Variants in ARMC9 observed in about 807,000 individuals in gnomAD.
ARMC9 encodes the protein lisH domain-containing protein ARMC9.
Under a neutral mutation model 107.0 loss-of-function variants are expected in ARMC9, and 94 were observed. That is an observed-to-expected ratio of 0.88 (90% confidence interval 0.74 to 1.04). The LOEUF is 1.04. Ranked by LOEUF, ARMC9 falls within the 50% of genes least tolerant of loss-of-function variation. The probability of loss-of-function intolerance (pLI) is 0.00; values close to 1 mark genes in which losing one functional copy is unlikely to be tolerated. For synonymous variants in ARMC9, 380 were observed against 396.9 expected, an observed-to-expected ratio of 0.96 and a Z score of 0.51; for missense variants, 942 against 1,030.1, an observed-to-expected ratio of 0.91 and a Z score of 1.17.
intron 19 of ARMC9, among the ~76,000 whole-genome samples, chr2:231,326,606 A>G (rs1435720394): frequency 1.3e-5 from 2 of 152,070 alleles, no homozygotes; most frequent in Non-Finnish European, 2.9e-5. Context: ...GGCACTGACT[A>G]TGTGGTTGAG....
chr2:231,314,461 G>T (rs1371006861), intron 19 of ARMC9, among the ~76,000 whole-genome samples: 1 of 152,072 alleles, frequency 6.6e-6, no homozygotes, highest in African/African-American at 2.4e-5. Flanking sequence ...TTCATTTATG[G>T]TCTCTGCTTT....
chr2:231,293,026 G>T lies in ARMC9; in HGVS notation c.1717+1583G>T, dbSNP rs569170986. On this transcript the variant is annotated intron_variant, in intron 18 of 24. Transcript: ENST00000611582. ...CACTGCCTGGGTCGCAGAAACGAGGGTGTCCAAGGGGCTCCCGATCAAAAG... is the reference window on the plus strand; with the variant it reads ...CACTGCCTGGGTCGCAGAAACGAGGTTGTCCAAGGGGCTCCCGATCAAAAG... Among the ~76,000 whole-genome samples, 17 of 152,294 alleles carry T rather than the reference G, an allele frequency of 1.1e-4. No individual in the cohort carries two copies. In the East Asian group the frequency reaches 3.3e-3, roughly 29 times the overall value.
At chr2:231,257,059 C>T (rs1417374973) in intron 10 of ARMC9, among the ~76,000 whole-genome samples, 1 of 152,250 alleles carries the variant, frequency 6.6e-6, no homozygotes, top group Non-Finnish European at 1.5e-5. Context: ...AAGTGATCCA[C>T]CCCCTTTGGC....
In ARMC9 at chr2:231,308,549, G is replaced by GGATAGC. The variant is rs999912599; in HGVS notation, c.1773+12300_1773+12305dup. Among the ~76,000 whole-genome samples the GGATAGC allele has an allele frequency of 6.6e-5, 10 of 152,298 alleles. No homozygotes were observed. In the East Asian group the frequency reaches 1.7e-3, roughly 26 times the overall value. Reference sequence around the variant, plus strand: ...AACCTTGGACCCTAGGTAGCTGGGAGGATAGCGATGCCATTAACAATACGG... The same window carrying GGATAGC: ...AACCTTGGACCCTAGGTAGCTGGGAGGATAGCGATAGCGATGCCATTAACAATACGG... On this transcript the variant is annotated intron_variant, in intron 19 of 24. Coordinates refer to ENST00000611582, the MANE Select transcript of ARMC9 (RefSeq NM_001352754.2).
intron 12 of ARMC9, among the ~76,000 whole-genome samples, chr2:231,267,494 G>A (rs1045201925): frequency 1.3e-5 from 2 of 152,220 alleles, no homozygotes; most frequent in Non-Finnish European, 2.9e-5. Flanking sequence ...GCCTCCCAAA[G>A]TGCTGGGATT....
chr2:231,329,873 A>G (rs185288907), intron 19 of ARMC9, among the ~76,000 whole-genome samples: 2 of 152,286 alleles, frequency 1.3e-5, no homozygotes, highest in African/African-American at 4.8e-5. Context: ...CTACATAGAC[A>G]GTCATATTAT....
intron 5 of ARMC9, among the ~76,000 whole-genome samples, chr2:231,217,924 C>T (rs1243340113): frequency 2.0e-5 from 3 of 152,154 alleles, no homozygotes; most frequent in African/African-American, 7.2e-5. Flanking sequence ...AACTCCTGAC[C>T]TCAGGTGATC....
At chr2:231,225,199 T>C (rs1167030995) in intron 6 of ARMC9, among the ~76,000 whole-genome samples, 1 of 152,216 alleles carries the variant, frequency 6.6e-6, no homozygotes, top group Non-Finnish European at 1.5e-5. Context: ...TGTGTGTGTA[T>C]ATTTCTATGC....
At chr2:231,212,537 C>T (rs1317023742) in intron 3 of ARMC9, among the ~76,000 whole-genome samples, 2 of 152,238 alleles carry the variant, frequency 1.3e-5, no homozygotes, top group Non-Finnish European at 1.5e-5. Flanking sequence ...CTCACCTCAT[C>T]CACACAGTCA....
At chr2:231,355,975 T>C in intron 22 of ARMC9, 41 bp downstream of exon 22, 1 of 1,520,416 alleles carries the variant, frequency 6.6e-7, no homozygotes, top group East Asian at 2.5e-5. Flanking sequence ...TCTGGGATTG[T>C]GATGTCTAGA....
At position 231,376,354 on chromosome 2, in the gene ARMC9, T is replaced by C. The variant is rs996749788; in HGVS notation, c.*4819T>C. Among the ~76,000 whole-genome samples, 41 of 152,172 alleles carry C rather than the reference T, an allele frequency of 2.7e-4. 1 individual carries two copies. Among genetic ancestry groups the C allele is most frequent in the African/African-American group, 8.7e-4 (36 of 41,428 alleles). On this transcript the variant is annotated 3_prime_UTR_variant, in exon 25 of 25. Transcript: ENST00000611582. ...ATGGGAGAAATATCGCTGAATTCTT[T>C]TTCTCAGCATGGAACATCCCCTGAG... is the stretch of plus-strand genomic sequence containing the variant.
chr2:231,215,165 C>T (rs767688906), intron 4 of ARMC9, 164 bp downstream of exon 4: 11 of 671,460 alleles, frequency 1.6e-5, no homozygotes, highest in Non-Finnish European at 2.6e-5. Context: ...ACTGTATTCC[C>T]AGCAGTTTAT....
In ARMC9 at chr2:231,212,546, C is replaced by T. The variant is rs2033011430; in HGVS notation, c.178-2285C>T. ...TCTGCGCTCACCTCATCCACACAGT[C>T]AGAGAGCTCTTGGTCACCGCACTTC... On this transcript the variant is annotated intron_variant, in intron 3 of 24. Transcript: ENST00000611582. 2.0e-5 allele frequency among the ~76,000 whole-genome samples: 3 copies of T among 152,218 alleles called. No individual in the cohort carries two copies. In the South Asian group the frequency reaches 6.2e-4, roughly 32 times the overall value.
intron 23 of ARMC9, among the ~76,000 whole-genome samples, chr2:231,365,891 C>T (rs113272662): frequency 0.15 from 23,288 of 152,098 alleles, 4,190 homozygotes; most frequent in African/African-American, 0.43. Flanking sequence ...CTCTGCCTCC[C>T]GGGTTCAAGC....
At chr2:231,202,869 C>T (rs1289713739) in intron 1 of ARMC9, among the ~76,000 whole-genome samples, 1 of 152,122 alleles carries the variant, frequency 6.6e-6, no homozygotes, top group East Asian at 1.9e-4. Flanking sequence ...ACATTCTGTT[C>T]CCTTCAGGTG....
At chr2:231,225,022 A>G (rs193160807) in intron 6 of ARMC9, among the ~76,000 whole-genome samples, 20 of 152,368 alleles carry the variant, frequency 1.3e-4, no homozygotes, top group Admixed American at 5.9e-4. Flanking sequence ...AGGAATAAGG[A>G]GCCTTTGAAG....
chr2:231,312,980 A>G (rs2042443062), intron 19 of ARMC9, among the ~76,000 whole-genome samples: 1 of 152,142 alleles, frequency 6.6e-6, no homozygotes, highest in Non-Finnish European at 1.5e-5. Context: ...TATTTAACAA[A>G]TATGTATCAA....
chr2:231,240,384 A>G (rs541041114), intron 9 of ARMC9, among the ~76,000 whole-genome samples: 2 of 152,278 alleles, frequency 1.3e-5, no homozygotes, highest in South Asian at 2.1e-4. Flanking sequence ...TAAAGCAGGG[A>G]CACTTTTTTT....
chr2:231,343,359 C>G (rs1032970237), intron 20 of ARMC9, among the ~76,000 whole-genome samples: 3 of 151,040 alleles, frequency 2.0e-5, no homozygotes, highest in Non-Finnish European at 4.4e-5. Context: ...GAATTTTCAG[C>G]AGAAATCAAA....
Sources: gnomAD v4.1 joint callset for allele counts (sites outside exome capture counted in the v4.1 genomes callset) on GRCh38, gnomAD v4.1.1 for gene constraint, MANE v1.5 for transcripts, NCBI Gene and HGNC (gene_info 2026-07-23, HGNC 2026-07-21) for gene names.